Variants in MYO5B observed in about 807,000 individuals in gnomAD.
MYO5B encodes the protein myosin VB.
A neutral mutation model predicts 229.3 loss-of-function variants in MYO5B; 143 were observed. The observed-to-expected ratio is 0.62, with a 90% CI of 0.54 to 0.72. MYO5B has a LOEUF of 0.72. MYO5B is among the 30% of genes least tolerant of loss of function. The pLI is 0.00. For synonymous variants in MYO5B, 918 were observed against 885.2 expected (o/e 1.04, Z -0.66); for missense variants, 2,321 against 2,331.0 (o/e 1.00, Z 0.09).
At chr18:50,009,378 T>TCAA (rs566178216) in intron 4 of MYO5B, among the ~76,000 whole-genome samples, 14 of 152,004 alleles carry the variant, frequency 9.2e-5, no homozygotes, top group Admixed American at 2.0e-4. Context: ...ACTGTCTCAA[T>TCAA]CAACAACAAC....
At chr18:49,839,767 T>C (rs1230559139) in intron 35 of MYO5B, 2 of 225,222 alleles carry the variant, frequency 8.9e-6, no homozygotes, top group Non-Finnish European at 1.8e-5. Context: ...AATTAATAGA[T>C]GAACTAAAGT....
chr18:49,856,138 G>A (rs1325413023), intron 30 of MYO5B, among the ~76,000 whole-genome samples: 2 of 152,214 alleles, frequency 1.3e-5, no homozygotes, highest in East Asian at 3.8e-4. Context: ...GGGCCAGTGG[G>A]TTTCAGGCAC....
Position 49,826,556 on chromosome 18 carries a change from A to G in MYO5B, c.5462T>C (p.Leu1821Ser), listed in dbSNP as rs557865582. 5 of 1,614,100 alleles carry G rather than the reference A, an allele frequency of 3.1e-6. No individual in the cohort carries two copies. Among genetic ancestry groups the G allele is most frequent in the Non-Finnish European group, 3.4e-6 (4 of 1,179,956 alleles). The part of the protein sequence containing the change: ...LLDAKHMFPV[L>S]FPFNPSSLTM... Reference sequence around the variant, plus strand: ...TAGAGAAGATGGATTAAATGGAAACAAAACAGGAAACATGTGCTTGGCATC... The same window carrying G: ...TAGAGAAGATGGATTAAATGGAAACGAAACAGGAAACATGTGCTTGGCATC... Residue 1821 changes from leucine (L) to serine (S), a missense_variant, in exon 40 of 40, where the codon TTG becomes TCG. By Grantham distance (145) the Leu-to-Ser change is moderately radical. This residue lies in a region of MYO5B where 208 missense variants were observed against 286.3 expected (regional missense o/e 0.73). Coordinates refer to ENST00000285039, the MANE Select transcript of MYO5B (RefSeq NM_001080467.3).
intron 17 of MYO5B, among the ~76,000 whole-genome samples, chr18:49,924,738 C>T (rs1014057230): frequency 3.3e-5 from 5 of 152,190 alleles, no homozygotes; most frequent in African/African-American, 9.7e-5. Context: ...AATGGCAGGT[C>T]TAGGCCTAAC....
chr18:49,832,393 C>A (rs2023933259), intron 39 of MYO5B, among the ~76,000 whole-genome samples: 1 of 152,224 alleles, frequency 6.6e-6, no homozygotes, highest in South Asian at 2.1e-4. Context: ...ACCTCTGAAC[C>A]ATGAACTGCT....
At chr18:50,132,161 AT>A (rs1430324854) in intron 1 of MYO5B, among the ~76,000 whole-genome samples, 1 of 152,216 alleles carries the variant, frequency 6.6e-6, no homozygotes, top group Non-Finnish European at 1.5e-5. Flanking sequence ...CACAAGCATT[AT>A]CCCCCAAACC....
intron 1 of MYO5B, among the ~76,000 whole-genome samples, chr18:50,156,207 C>T (rs1451207854): frequency 6.6e-6 from 1 of 152,220 alleles, no homozygotes; most frequent in African/African-American, 2.4e-5. Context: ...TATTTGCACA[C>T]TCAACACCTC....
chr18:50,067,857 G>A (rs2030860536), intron 1 of MYO5B, among the ~76,000 whole-genome samples: 1 of 152,058 alleles, frequency 6.6e-6, no homozygotes, highest in South Asian at 2.1e-4. Context: ...TTCCTTTATA[G>A]CAACTAAAAA....
intron 22 of MYO5B, among the ~76,000 whole-genome samples, chr18:49,883,818 G>GT: frequency 6.6e-6 from 1 of 152,304 alleles, no homozygotes; most frequent in Admixed American, 6.5e-5. Flanking sequence ...CACATTGACA[G>GT]TCAATTGATT....
intron 31 of MYO5B, 131 bp downstream of exon 31, chr18:49,853,318 C>T: frequency 3.3e-6 from 3 of 912,554 alleles, no homozygotes; most frequent in Non-Finnish European, 3.5e-6. Flanking sequence ...CCGGAGACTT[C>T]TAGAATCTCT....
intron 17 of MYO5B, among the ~76,000 whole-genome samples, chr18:49,916,914 G>T (rs933681942): frequency 6.6e-6 from 1 of 152,234 alleles, no homozygotes; most frequent in African/African-American, 2.4e-5. Context: ...AAGCTCAAGA[G>T]AATTTGTGAT....
At chr18:49,998,584 T>C (rs1190157448) in intron 5 of MYO5B, among the ~76,000 whole-genome samples, 1 of 152,160 alleles carries the variant, frequency 6.6e-6, no homozygotes, top group Non-Finnish European at 1.5e-5. Context: ...AAACAGATAC[T>C]TTCACACCCA....
chr18:49,835,733 C>G (rs1326709882), intron 38 of MYO5B, among the ~76,000 whole-genome samples: 2 of 152,152 alleles, frequency 1.3e-5, no homozygotes, highest in East Asian at 3.9e-4. Context: ...AAATCCTCAG[C>G]CTCATATCTA....
At chr18:49,954,174 G>A in intron 13 of MYO5B, 139 bp downstream of exon 13, 1 of 1,304,430 alleles carries the variant, frequency 7.7e-7, no homozygotes, top group Non-Finnish European at 1.1e-6. Context: ...GTGGGTAAAA[G>A]AGGATGGAAG....
chr18:50,024,777 G>C (rs1424839683), intron 4 of MYO5B, among the ~76,000 whole-genome samples: 1 of 152,156 alleles, frequency 6.6e-6, no homozygotes, highest in Non-Finnish European at 1.5e-5. Flanking sequence ...TCCTCAACCA[G>C]AGAGGTTCCC....
Position 49,894,534 on chromosome 18 carries a change from CA to C in MYO5B, c.3045+406del, listed in dbSNP as rs1465237900. ...AAGGTGAGGCACCTCCACCAAAGCA[CA>C]GTGCTGCATCATGGGCAAGGGTGCC... On this transcript the variant is annotated intron_variant, in intron 22 of 39. Coordinates refer to ENST00000285039, the MANE Select transcript of MYO5B (RefSeq NM_001080467.3). Among the ~76,000 whole-genome samples the C allele has an allele frequency of 6.6e-5, 10 of 152,330 alleles. No individual in the cohort carries two copies. The South Asian group carries it at 1.9e-3, about 28-fold the overall frequency.
intron 2 of MYO5B, among the ~76,000 whole-genome samples, chr18:50,042,411 T>C (rs2030046841): frequency 1.3e-5 from 2 of 152,228 alleles, no homozygotes; most frequent in Admixed American, 1.3e-4. Context: ...GTTATCTTTG[T>C]TAGTGGGATT....
At chr18:49,987,119 G>A (rs1457529241) in intron 7 of MYO5B, among the ~76,000 whole-genome samples, 1 of 152,062 alleles carries the variant, frequency 6.6e-6, no homozygotes, top group Non-Finnish European at 1.5e-5. Flanking sequence ...ATGTTGCTAC[G>A]AATCAGATAG....
intron 1 of MYO5B, among the ~76,000 whole-genome samples, chr18:50,096,284 A>G (rs914425527): frequency 2.0e-5 from 3 of 152,198 alleles, no homozygotes; most frequent in African/African-American, 7.2e-5. Context: ...TTGTGTGCTC[A>G]CCCAACATCC....
Sources: allele counts gnomAD v4.1 joint callset (sites outside exome capture counted in the v4.1 genomes callset), GRCh38; gene constraint gnomAD v4.1.1; regional missense constraint gnomAD v4.1.1; transcripts MANE v1.5; gene names NCBI Gene and HGNC (gene_info 2026-07-23, HGNC 2026-07-21).